NPY2R: variants seen among roughly 807,000 people sequenced by gnomAD.
NPY2R encodes the protein neuropeptide Y receptor type 2.
A neutral mutation model predicts 22.3 loss-of-function variants in NPY2R; 17 were observed. The observed-to-expected ratio is 0.76, with a 90% confidence interval of 0.52 to 1.14. NPY2R has a LOEUF of 1.14. Among genes scored for constraint, NPY2R ranks in the 50% most tolerant of loss-of-function variants. The pLI, the probability that NPY2R is intolerant of heterozygous loss-of-function variation, is 0.00. For missense variants in NPY2R, 424 were observed against 467.9 expected (o/e 0.91, Z 0.87); for synonymous variants, 209 against 183.4 (o/e 1.14, Z -1.13).
At chr4:155,180,066 T>G in the NPY2R span, among the ~76,000 whole-genome samples, 1 of 151,956 alleles carries the variant, frequency 6.6e-6, no homozygotes, top group Admixed American at 6.6e-5. Flanking sequence ...CACTGTTACT[T>G]TCTTTTCCTA....
chr4:155,198,011 G>A, the NPY2R span, among the ~76,000 whole-genome samples: 2 of 151,926 alleles, frequency 1.3e-5, no homozygotes, highest in African/African-American at 4.8e-5. Context: ...TTGTATCACA[G>A]CAACTATTTC....
chr4:155,192,701 G>A, the NPY2R span, among the ~76,000 whole-genome samples: 64,133 of 151,706 alleles, frequency 0.42, 14,013 homozygotes, highest in East Asian at 0.69. Flanking sequence ...TTTCATAAAT[G>A]TAACTTGAAA....
At position 155,215,221 on chromosome 4, in the gene NPY2R, TC is replaced by T. The variant is rs1331104179; in HGVS notation, c.*138del. 2 of 881,614 alleles carry T rather than the reference TC, an allele frequency of 2.3e-6. No individual in the cohort carries two copies. Among genetic ancestry groups the T allele is most frequent in the African/African-American group, 3.3e-5 (2 of 60,120 alleles). The allele number at this position is 881,614 out of a possible 1,614,324, so 54.6% of individuals were successfully genotyped here. Reference sequence around the variant, plus strand: ...TAAATGGAAGCATCTGCTGTTTAATTCCTGGAAAACTGGCTGGGCAGAGCCT... The same window carrying T: ...TAAATGGAAGCATCTGCTGTTTAATTCTGGAAAACTGGCTGGGCAGAGCCT... On this transcript the variant is annotated 3_prime_UTR_variant, in exon 2 of 2. Transcript: ENST00000329476.
the NPY2R span, among the ~76,000 whole-genome samples, chr4:155,196,131 A>G: frequency 1.3e-5 from 2 of 152,142 alleles, no homozygotes; most frequent in South Asian, 2.1e-4. Flanking sequence ...CCAAAAATGG[A>G]ACTAAACCAA....
the NPY2R span, among the ~76,000 whole-genome samples, chr4:155,179,669 G>T: frequency 6.6e-6 from 1 of 152,158 alleles, no homozygotes; most frequent in Non-Finnish European, 1.5e-5. Context: ...TCTTATGTTG[G>T]CTCATGCGAG....
the NPY2R span, among the ~76,000 whole-genome samples, chr4:155,187,730 A>G: frequency 6.6e-6 from 1 of 152,168 alleles, no homozygotes; most frequent in Non-Finnish European, 1.5e-5. Flanking sequence ...TCTTCATCTT[A>G]TTGATGAAAG....
At chr4:155,187,164 G>C in the NPY2R span, among the ~76,000 whole-genome samples, 4 of 152,150 alleles carry the variant, frequency 2.6e-5, no homozygotes, top group African/African-American at 9.7e-5. Context: ...ACAGCTTGCA[G>C]CTCCACTCTC....
the NPY2R span, among the ~76,000 whole-genome samples, chr4:155,191,679 C>G: frequency 2.6e-5 from 4 of 151,896 alleles, no homozygotes; most frequent in African/African-American, 9.7e-5. Context: ...TGAATTTCAT[C>G]TCTACATTCT....
chr4:155,174,587 G>A, the NPY2R span, among the ~76,000 whole-genome samples: 2 of 150,398 alleles, frequency 1.3e-5, no homozygotes, highest in Admixed American at 6.6e-5. Context: ...ACTATATAAG[G>A]CATAAAGGAA....
the NPY2R span, among the ~76,000 whole-genome samples, chr4:155,175,085 T>G: frequency 2.6e-5 from 4 of 152,116 alleles, no homozygotes; most frequent in Non-Finnish European, 5.9e-5. Context: ...CTATCATAAT[T>G]TTCCATAGTT....
chr4:155,199,867 T>G, the NPY2R span, among the ~76,000 whole-genome samples: 1 of 152,152 alleles, frequency 6.6e-6, no homozygotes, highest in African/African-American at 2.4e-5. Context: ...TGAGATGGAT[T>G]AAAGACTTAA....
At chr4:155,181,650 A>G in the NPY2R span, among the ~76,000 whole-genome samples, 2 of 152,198 alleles carry the variant, frequency 1.3e-5, no homozygotes, top group Non-Finnish European at 2.9e-5. Flanking sequence ...TGAAGCCACA[A>G]TGAGATGTTG....
upstream of NPY2R, among the ~76,000 whole-genome samples, chr4:155,205,252 G>C (rs1729259261): frequency 6.6e-6 from 1 of 152,178 alleles, no homozygotes; most frequent in African/African-American, 2.4e-5. Flanking sequence ...CATTATTGCA[G>C]AAAGTTCTGT....
the NPY2R span, among the ~76,000 whole-genome samples, chr4:155,179,036 T>C: frequency 6.6e-6 from 1 of 152,152 alleles, no homozygotes; most frequent in Non-Finnish European, 1.5e-5. Context: ...AAAGACCAAT[T>C]TGCTGGTAAT....
rs1239917659 is a variant in NPY2R at position 155,216,200 on chromosome 4, G to A, written c.*1115G>A. 6.0e-6 allele frequency: 1 copy of A among 166,906 alleles called. No homozygotes were observed. The highest frequency in any genetic ancestry group is 2.4e-5 in the African/African-American group (1 of 41,428). The allele number at this position is 166,906 out of a possible 1,614,324, so 10.3% of individuals were successfully genotyped here. On this transcript the variant is annotated 3_prime_UTR_variant, in exon 2 of 2. Coordinates refer to ENST00000329476, the MANE Select transcript of NPY2R (RefSeq NM_000910.4). ...GGATTCATTTCATCTTGCAAATGTT[G>A]TATTTCAAACCAGTTTCACATAAGT...
chr4:155,210,953 A>G (rs1249750701), intron 1 of NPY2R, among the ~76,000 whole-genome samples: 1 of 147,716 alleles, frequency 6.8e-6, no homozygotes, highest in Non-Finnish European at 1.5e-5. Flanking sequence ...TATAATCAGG[A>G]ATTAATTTAA....
the NPY2R span, among the ~76,000 whole-genome samples, chr4:155,187,209 A>T: frequency 1.3e-5 from 2 of 152,194 alleles, no homozygotes; most frequent in South Asian, 2.1e-4. Context: ...AACGCACTAC[A>T]TCAGACCTCA....
At chr4:155,213,634 C>A (rs115379288) in intron 1 of NPY2R, among the ~76,000 whole-genome samples, 1 of 152,126 alleles carries the variant, frequency 6.6e-6, no homozygotes, top group Non-Finnish European at 1.5e-5. Flanking sequence ...TCTATACTAT[C>A]GGTATTATAC....
chr4:155,188,270 A>G, the NPY2R span, among the ~76,000 whole-genome samples: 1 of 152,116 alleles, frequency 6.6e-6, no homozygotes, highest in Non-Finnish European at 1.5e-5. Context: ...TTCCCCATAC[A>G]AAAGAATCAC....
Sources: allele counts gnomAD v4.1 joint callset (sites outside exome capture counted in the v4.1 genomes callset), GRCh38; gene constraint gnomAD v4.1.1; transcripts MANE v1.5; gene names NCBI Gene and HGNC (gene_info 2026-07-23, HGNC 2026-07-21).